ALOX12: variants seen among roughly 807,000 people sequenced by gnomAD.
The protein encoded by ALOX12 is arachidonate 12-lipoxygenase, 12S type, also known as polyunsaturated fatty acid lipoxygenase ALOX12.
In ALOX12, 62 loss-of-function variants were observed where a neutral mutation model predicts 85.5. That is an observed-to-expected ratio of 0.73 (90% confidence interval 0.59 to 0.90). ALOX12 has a LOEUF of 0.90. Among genes scored for constraint, ALOX12 ranks in the 40% least tolerant of loss-of-function variants. ALOX12 has a pLI of 0.00. For synonymous variants in ALOX12, 299 were observed against 332.7 expected, an observed-to-expected ratio of 0.90 and a Z score of 1.10; for missense variants, 751 against 856.5, an observed-to-expected ratio of 0.88 and a Z score of 1.54.
chr17:6,999,278 T>C (rs1359137698), intron 5 of ALOX12, 28 bp from the exon 6 acceptor site: 1 of 1,613,992 alleles, frequency 6.2e-7, no homozygotes, highest in Non-Finnish European at 8.5e-7. Context: ...CTGTGGTACA[T>C]ATATCCTCCT....
chr17:7,005,897 C>CGTCGGG lies in ALOX12; in HGVS notation c.1289_1294dup (p.Arg431_Ala432insGlyArg), dbSNP rs754684647. ...TGGAGGGGGCCATGTACAGTTGCTCCGTCGGGCGGCAGCTCAGCTGACCTA... is the reference window on the plus strand; with the variant it reads ...TGGAGGGGGCCATGTACAGTTGCTCCGTCGGGGTCGGGCGGCAGCTCAGCTGACCTA... On this transcript the variant is annotated inframe_insertion, in exon 10 of 14. Transcript: ENST00000251535. The CGTCGGG allele has an allele frequency of 3.7e-6, 6 of 1,613,440 alleles. No individual in the cohort carries two copies. The African/African-American group carries it at 8.0e-5, about 22-fold the overall frequency.
Position 7,010,070 on chromosome 17 carries a change from C to T in ALOX12, c.1756C>T (p.Gln586Ter). The T allele has an allele frequency of 6.2e-7, 1 of 1,614,180 alleles. No homozygotes were observed. Among genetic ancestry groups the T allele is most frequent in the Admixed American group, 1.7e-5 (1 of 60,018 alleles). ...GATGGGGTCACTACCTGATGTCCGGCAGGCCTGTCTTCAAATGGCCATCTC... is the reference window on the plus strand; with the variant it reads ...GATGGGGTCACTACCTGATGTCCGGTAGGCCTGTCTTCAAATGGCCATCTC... ...TVMGSLPDVR[Q>*]ACLQMAISWH... The change falls in exon 13 of 14, where the codon CAG becomes TAG. Residue 586 changes from glutamine (Q) to a stop codon, truncating the protein, a stop_gained. Coordinates refer to ENST00000251535, the MANE Select transcript of ALOX12 (RefSeq NM_000697.3). LOFTEE classifies it high-confidence loss of function.
chr17:6,997,808 C>G lies in ALOX12; in HGVS notation c.338-701C>G, dbSNP rs1027360512. Reference sequence around the variant, plus strand: ...ATCTCCTGACCTCGTGATCCGCCCTCCTTGGCCTCTCAAAGTGCTGGGATT... The same window carrying G: ...ATCTCCTGACCTCGTGATCCGCCCTGCTTGGCCTCTCAAAGTGCTGGGATT... On this transcript the variant is annotated intron_variant, in intron 2 of 13. Coordinates refer to ENST00000251535, the MANE Select transcript of ALOX12 (RefSeq NM_000697.3). Among the ~76,000 whole-genome samples, 6 of 152,160 alleles carry G rather than the reference C, an allele frequency of 3.9e-5. No individual in the cohort carries two copies. The East Asian group carries it at 1.2e-3, about 29-fold the overall frequency.
chr17:7,002,405 G>C (rs1454730379), intron 8 of ALOX12: 19 of 439,064 alleles, frequency 4.3e-5, no homozygotes, highest in South Asian at 1.8e-4. Flanking sequence ...CAGCGTGCCT[G>C]GGTGCAAGAG....
intron 8 of ALOX12, among the ~76,000 whole-genome samples, chr17:7,004,487 A>T (rs1049289516): frequency 2.7e-5 from 4 of 146,992 alleles, no homozygotes; most frequent in African/African-American, 7.4e-5. Flanking sequence ...ATTTAAAATT[A>T]AATATTTAAT....
Position 7,010,532 on chromosome 17 carries a change from C to T in ALOX12, c.*109C>T. On this transcript the variant is annotated 3_prime_UTR_variant, in exon 14 of 14. Transcript: ENST00000251535. ...CTCTGCTGCTAAGGCTCTATTTCCT[C>T]CCCCAGTTAAACCCCCTACATTAGT... The T allele has an allele frequency of 6.6e-6, 9 of 1,356,006 alleles. No homozygotes were observed. In the South Asian group the frequency reaches 1.2e-4, roughly 18 times the overall value. The allele number at this position is 1,356,006 out of a possible 1,614,324, so 84.0% of individuals were successfully genotyped here.
rs312472 is a variant in ALOX12, at chr17:7,000,679, C to T, written c.951+200C>T. 0.96 allele frequency among the ~76,000 whole-genome samples: 146,012 copies of T among 152,280 alleles called. 70,223 individuals carry two copies. The highest frequency in any genetic ancestry group is 1 in the Middle Eastern group (294 of 294). On this transcript the variant is annotated intron_variant, in intron 7 of 13. Transcript: ENST00000251535. This position sits in a 1 kb window ranked among gnomAD's most constrained non-coding sequence, Gnocchi z 4.6. Reference sequence around the variant, plus strand: ...CTTTTTCAAGAGTCAAAATGGCCTCCTGGAGTTCTCATCCTGTATCCAATG... The same window carrying T: ...CTTTTTCAAGAGTCAAAATGGCCTCTTGGAGTTCTCATCCTGTATCCAATG...
At position 6,999,040 on chromosome 17, in the gene ALOX12, G is replaced by C; in HGVS notation, c.630G>C (p.Gln210His). 6.2e-7 allele frequency: 1 copy of C among 1,613,932 alleles called. No homozygotes were observed. Among genetic ancestry groups the C allele is most frequent in the Non-Finnish European group, 8.5e-7 (1 of 1,180,020 alleles). ...ACTTTGATCAGATCTTCTGGGGCCA[G>C]AAGAGTGCCCTGGCTGGTCAGTGGT... ...LEDFDQIFWG[Q>H]KSALAEKVRQ... Residue 210 changes from glutamine to histidine, a missense_variant, in exon 5 of 14, where the codon CAG (glutamine) becomes CAC (histidine). Transcript: ENST00000251535.
At chr17:7,004,138 ATTAAAATTTAAATAAATTTAAAT>A (rs577180324) in intron 8 of ALOX12, among the ~76,000 whole-genome samples, 1,661 of 119,020 alleles carry the variant, frequency 0.014, 17 homozygotes, top group African/African-American at 0.031. Context: ...TAAATAAATA[ATTAAAATTTAAATAAATTTAAAT>A]TTAAAATTTA....
chr17:6,997,393 A>C (rs1908500649), intron 2 of ALOX12, among the ~76,000 whole-genome samples: 1 of 151,950 alleles, frequency 6.6e-6, no homozygotes, highest in South Asian at 2.1e-4. Context: ...GACCACATGG[A>C]ACAGGAGGGG....
chr17:7,003,590 C>G (rs895833277), intron 8 of ALOX12, among the ~76,000 whole-genome samples: 30 of 151,968 alleles, frequency 2.0e-4, no homozygotes, highest in Non-Finnish European at 8.8e-5. Flanking sequence ...CCATGCCTGG[C>G]TAATTTTTTT....
Position 7,000,582 on chromosome 17 carries a change from C to G in ALOX12, c.951+103C>G. 7.5e-7 allele frequency: 1 copy of G among 1,329,362 alleles called. No homozygotes were observed. Among genetic ancestry groups the G allele is most frequent in the Non-Finnish European group, 1.0e-6 (1 of 954,752 alleles). 82.3% of individuals were successfully genotyped at this position (1,329,362 alleles called of 1,614,324 possible). ...TCTTGGCTCCCAAACCCCATCCTCA[C>G]TCAGTGAGACTTGTCTTCATGTCAC... On this transcript the variant is annotated intron_variant, in intron 7 of 13. Coordinates refer to ENST00000251535, the MANE Select transcript of ALOX12 (RefSeq NM_000697.3). The surrounding 1 kb of genome is among the most constrained non-coding windows in gnomAD (Gnocchi z 4.6).
intron 2 of ALOX12, among the ~76,000 whole-genome samples, chr17:6,998,038 G>T (rs1418698354): frequency 1.3e-5 from 2 of 151,466 alleles, no homozygotes; most frequent in Non-Finnish European, 2.9e-5. Flanking sequence ...GAAAGATGAG[G>T]TTTAAAAAAA....
At chr17:6,998,633 A>G (rs1215062968) in intron 3 of ALOX12, 43 bp downstream of exon 3, 2 of 1,495,854 alleles carry the variant, frequency 1.3e-6, no homozygotes, top group Admixed American at 3.6e-5. Context: ...CCACTGTCCC[A>G]CCCCTTCCCT....
intron 8 of ALOX12, among the ~76,000 whole-genome samples, chr17:7,004,310 T>C (rs1380201306): frequency 2.2e-3 from 47 of 21,262 alleles, no homozygotes; most frequent in East Asian, 5.4e-3. Flanking sequence ...TTTTAATATT[T>C]TTAATTTTAA....
At position 7,006,054 on chromosome 17, in the gene ALOX12, TGGGGCCGGGGG is replaced by T; in HGVS notation, c.1418+32_1418+42del. 6 of 2,434 alleles carry T rather than the reference TGGGGCCGGGGG, an allele frequency of 2.5e-3. 1 individual carries two copies. Among genetic ancestry groups the T allele is most frequent in the Non-Finnish European group, 5.0e-3 (6 of 1,194 alleles). The allele number at this position is 2,434 out of a possible 1,614,324, so 0.2% of individuals were successfully genotyped here. On this transcript the variant is annotated intron_variant, in intron 10 of 13. Coordinates refer to ENST00000251535, the MANE Select transcript of ALOX12 (RefSeq NM_000697.3). ...TGAGTAAGGAGGAGCTGAGAAATGG[TGGGGCCGGGGG>T]GGGGGGGGGCTCTGGCCTGAGGCCA...
intron 5 of ALOX12, 38 bp downstream of exon 5, chr17:6,999,094 G>A: frequency 6.3e-7 from 1 of 1,590,578 alleles, no homozygotes; most frequent in Non-Finnish European, 8.6e-7. Flanking sequence ...TCCCTTAATG[G>A]CCCCTCTGGA....
chr17:7,006,478 CT>C lies in ALOX12; in HGVS notation c.1419-7del, dbSNP rs1292583609. ...TTCTGCCCTCAAGTGCCTTTTCCCC[CT>C]GGGCAGGTATGTGGAGGGGATCGTC... On this transcript the variant is annotated splice_polypyrimidine_tract_variant and splice_region_variant and intron_variant, in intron 10 of 13. Coordinates refer to ENST00000251535, the MANE Select transcript of ALOX12 (RefSeq NM_000697.3). 3.7e-6 allele frequency: 6 copies of C among 1,613,398 alleles called. No individual in the cohort carries two copies. Among genetic ancestry groups the C allele is most frequent in the Middle Eastern group, 3.3e-4 (2 of 6,054 alleles).
At chr17:7,001,237 C>T in intron 7 of ALOX12, 1 of 223,962 alleles carries the variant, frequency 4.5e-6, no homozygotes, top group South Asian at 6.6e-5. Context: ...AGGTGTGAGC[C>T]ACTGCACCTG....
Sources: allele counts gnomAD v4.1 joint callset (sites outside exome capture counted in the v4.1 genomes callset), GRCh38; gene constraint gnomAD v4.1.1; non-coding constraint Gnocchi (gnomAD v3.1); transcripts MANE v1.5; gene names NCBI Gene and HGNC (gene_info 2026-07-23, HGNC 2026-07-21).